SYCE3: variants seen among roughly 807,000 people sequenced by gnomAD.
SYCE3 encodes testis highly expressed gene 2 protein.
SYCE3 carries 3 observed loss-of-function variants against 8.1 expected under a neutral mutation model. That is an observed-to-expected ratio of 0.37 (90% confidence interval 0.17 to 0.96). The LOEUF (loss-of-function observed/expected upper bound fraction) is 0.96. Ranked by LOEUF, SYCE3 falls within the 40% of genes least tolerant of loss-of-function variation. SYCE3 has a pLI of 0.41. For synonymous variants in SYCE3, 36 were observed against 38.7 expected (o/e 0.93, Z 0.26); for missense variants, 83 against 110.0 (o/e 0.75, Z 1.10).
chr22:50,561,595 T>A (rs947537785), intron 1 of SYCE3, among the ~76,000 whole-genome samples: 1 of 144,244 alleles, frequency 6.9e-6, no homozygotes, highest in Non-Finnish European at 1.5e-5. Flanking sequence ...GGTATCACTT[T>A]AGGTGTGAAG....
chr22:50,555,993 C>T (rs2069856775), intron 2 of SYCE3, among the ~76,000 whole-genome samples: 1 of 152,066 alleles, frequency 6.6e-6, no homozygotes, highest in Admixed American at 6.6e-5. Flanking sequence ...CGAGGTTTTA[C>T]TGTGTTAGCC....
intron 2 of SYCE3, among the ~76,000 whole-genome samples, chr22:50,556,092 C>T (rs991796504): frequency 3.3e-5 from 5 of 152,140 alleles, no homozygotes; most frequent in African/African-American, 4.8e-5. Flanking sequence ...CGCGCCCGGC[C>T]GAACCAGTGT....
At chr22:50,557,581 T>C (rs1223259982) in intron 1 of SYCE3, among the ~76,000 whole-genome samples, 1 of 152,202 alleles carries the variant, frequency 6.6e-6, no homozygotes, top group Non-Finnish European at 1.5e-5. Flanking sequence ...ACTTAATAAA[T>C]CATATCCGTT....
intron 2 of SYCE3, among the ~76,000 whole-genome samples, chr22:50,553,524 C>T (rs770188092): frequency 3.3e-5 from 5 of 152,114 alleles, no homozygotes; most frequent in Admixed American, 6.6e-5. Flanking sequence ...GCACTGGGCC[C>T]GGATCTGTTA....
At chr22:50,555,369 G>A (rs131774) in intron 2 of SYCE3, among the ~76,000 whole-genome samples, 6 of 151,960 alleles carry the variant, frequency 3.9e-5, no homozygotes, top group East Asian at 3.9e-4. Context: ...GGCCAGGCAC[G>A]CTGGCTCATA....
At chr22:50,555,308 A>G (rs972017114) in intron 2 of SYCE3, among the ~76,000 whole-genome samples, 2 of 152,134 alleles carry the variant, frequency 1.3e-5, no homozygotes, top group African/African-American at 4.8e-5. Flanking sequence ...AATTGCAAAC[A>G]TTTCTAAGGA....
chr22:50,551,674 T>A (rs928190688), intron 2 of SYCE3, among the ~76,000 whole-genome samples: 1 of 152,248 alleles, frequency 6.6e-6, no homozygotes, highest in African/African-American at 2.4e-5. Context: ...GAGGCTGGTC[T>A]GATACGAAAT....
chr22:50,551,372 A>G lies in SYCE3; in HGVS notation c.140T>C (p.Val47Ala). ...CAGCGTAGGGTTGGTGCGCATCACC[A>G]CCATGTCATAGGCCATCCAGGTCGC... is the stretch of plus-strand genomic sequence containing the variant. Reference protein sequence around the residue: ...VQATWMAYDMVVMRTNPTLAE... With the variant: ...VQATWMAYDMAVMRTNPTLAE... Residue 47 changes from valine to alanine, a missense_variant, in exon 3 of 3, where the codon GTG becomes GCG. Coordinates refer to ENST00000406915, the MANE Select transcript of SYCE3 (RefSeq NM_001123225.3). The G allele has an allele frequency of 6.4e-7, 1 of 1,550,906 alleles. No individual in the cohort carries two copies. Among genetic ancestry groups the G allele is most frequent in the Non-Finnish European group, 8.7e-7 (1 of 1,146,940 alleles).
intron 1 of SYCE3, 116 bp from the exon 2 acceptor site, chr22:50,556,521 GA>G (rs2069861541): frequency 1.4e-6 from 1 of 738,260 alleles, no homozygotes; most frequent in Non-Finnish European, 2.3e-6. Context: ...CTCAGATTCA[GA>G]CAATACCACG....
chr22:50,558,419 G>A (rs1036747525), intron 1 of SYCE3, among the ~76,000 whole-genome samples: 27 of 149,866 alleles, frequency 1.8e-4, no homozygotes, highest in African/African-American at 6.2e-4. Flanking sequence ...TGACAAGAGC[G>A]AAACTTCATC....
At chr22:50,561,448 G>A (rs1044481442) in intron 1 of SYCE3, among the ~76,000 whole-genome samples, 31 of 150,126 alleles carry the variant, frequency 2.1e-4, no homozygotes, top group African/African-American at 7.6e-4. Context: ...GGAACGGGTG[G>A]AGAAAGAGGC....
At chr22:50,553,739 C>T (rs564687343) in intron 2 of SYCE3, among the ~76,000 whole-genome samples, 1 of 152,226 alleles carries the variant, frequency 6.6e-6, no homozygotes, top group African/African-American at 2.4e-5. Context: ...TCCACCAACA[C>T]GCCCAGCTAA....
intron 2 of SYCE3, among the ~76,000 whole-genome samples, chr22:50,554,134 G>T (rs2069836033): frequency 6.6e-6 from 1 of 151,400 alleles, no homozygotes; most frequent in Non-Finnish European, 1.5e-5. Flanking sequence ...GGCAGAGCTT[G>T]CAGTGAGCCG....
At chr22:50,561,580 G>A (rs1323356248) in intron 1 of SYCE3, among the ~76,000 whole-genome samples, 1 of 151,892 alleles carries the variant, frequency 6.6e-6, no homozygotes, top group Non-Finnish European at 1.5e-5. Context: ...GTAGGGTCTG[G>A]CTTGGGTATC....
At chr22:50,556,499 C>A (rs1603442799) in intron 1 of SYCE3, 94 bp from the exon 2 acceptor site, 5 of 866,468 alleles carry the variant, frequency 5.8e-6, no homozygotes, top group Admixed American at 2.3e-5. Context: ...CTAAGGAATT[C>A]TTTCCCCATC....
intron 1 of SYCE3, among the ~76,000 whole-genome samples, chr22:50,557,718 A>C (rs6010000): frequency 7.2e-6 from 1 of 138,936 alleles, no homozygotes; most frequent in Non-Finnish European, 1.6e-5. Context: ...TAGTAAGAAA[A>C]GAGAGAAATA....
chr22:50,554,962 A>G (rs2148698435), intron 2 of SYCE3, among the ~76,000 whole-genome samples: 1 of 151,624 alleles, frequency 6.6e-6, no homozygotes, highest in Admixed American at 6.6e-5. Context: ...CTCTACTAAA[A>G]ATACAAAAAA....
intron 1 of SYCE3, 63 bp from the exon 2 acceptor site, chr22:50,556,468 G>A (rs1358819104): frequency 8.7e-7 from 1 of 1,143,858 alleles, no homozygotes; most frequent in Non-Finnish European, 1.3e-6. Context: ...CAGCTCCACT[G>A]GTTATAACTC....
At chr22:50,552,264 T>G (rs2069816630) in intron 2 of SYCE3, among the ~76,000 whole-genome samples, 1 of 152,188 alleles carries the variant, frequency 6.6e-6, no homozygotes, top group African/African-American at 2.4e-5. Flanking sequence ...GCAGACTACC[T>G]GGACAGCAGG....
Sources: gnomAD v4.1 joint callset for allele counts (sites outside exome capture counted in the v4.1 genomes callset) on GRCh38, gnomAD v4.1.1 for gene constraint, MANE v1.5 for transcripts, NCBI Gene and HGNC (gene_info 2026-07-23, HGNC 2026-07-21) for gene names.